CSMD3: variants seen among roughly 807,000 people sequenced by gnomAD.
CSMD3 encodes the protein CUB and sushi domain-containing protein 3.
CSMD3 carries 177 observed loss-of-function variants against 435.2 expected under a neutral mutation model. That is an observed-to-expected ratio of 0.41 (90% confidence interval 0.36 to 0.46). CSMD3 has a LOEUF of 0.46. CSMD3 is among the 20% of genes least tolerant of loss of function. The pLI is 0.34. For missense variants in CSMD3, 4,265 were observed against 4,504.6 expected (o/e 0.95, Z 1.52); for synonymous variants, 1,656 against 1,520.5 (o/e 1.09, Z -2.07).
rs1689425591 is a variant in CSMD3 at position 113,088,012 on chromosome 8, A to G, written c.917+10744T>C. On this transcript the variant is annotated intron_variant, in intron 5 of 70. Coordinates refer to ENST00000297405, the MANE Select transcript of CSMD3 (RefSeq NM_198123.2). ...TACAATGAACTCAAACAAATTTACA[A>G]GAAAAAAACAAACAACCCCATCAAA... 2.0e-5 allele frequency among the ~76,000 whole-genome samples: 3 copies of G among 149,526 alleles called. No homozygotes were observed. In the Admixed American group the frequency reaches 2.0e-4, roughly 10 times the overall value.
At chr8:113,095,390 C>T (rs185956579) in intron 5 of CSMD3, among the ~76,000 whole-genome samples, 24 of 152,232 alleles carry the variant, frequency 1.6e-4, no homozygotes, top group African/African-American at 5.5e-4. Context: ...ATAGTAATTG[C>T]CTATAATATC....
At chr8:112,862,925 T>C (rs1256965961) in intron 10 of CSMD3, among the ~76,000 whole-genome samples, 1 of 152,094 alleles carries the variant, frequency 6.6e-6, no homozygotes, top group Non-Finnish European at 1.5e-5. Context: ...TATGCTTTTG[T>C]CATTCTGTCA....
At chr8:113,415,353 G>A (rs970265224) in intron 1 of CSMD3, among the ~76,000 whole-genome samples, 6 of 152,124 alleles carry the variant, frequency 3.9e-5, no homozygotes, top group African/African-American at 1.2e-4. Flanking sequence ...AAGAGAGGTA[G>A]AATGAAATTC....
intron 14 of CSMD3, among the ~76,000 whole-genome samples, chr8:112,688,730 A>C (rs2131818860): frequency 6.6e-6 from 1 of 152,172 alleles, no homozygotes. Context: ...TTACTGGTAT[A>C]TAAAACATTA....
intron 52 of CSMD3, among the ~76,000 whole-genome samples, chr8:112,304,130 G>A (rs1821183964): frequency 6.6e-6 from 1 of 152,068 alleles, no homozygotes; most frequent in Admixed American, 6.6e-5. Context: ...TATTTATTGA[G>A]GATGTGGTTA....
At chr8:112,765,006 C>T (rs186470271) in intron 13 of CSMD3, among the ~76,000 whole-genome samples, 307 of 151,238 alleles carry the variant, frequency 2.0e-3, no homozygotes, top group African/African-American at 7.2e-3. Flanking sequence ...TTCTGGTGCA[C>T]ATAGTGAATG....
At chr8:113,291,094 T>C (rs2132529939) in intron 2 of CSMD3, among the ~76,000 whole-genome samples, 1 of 151,730 alleles carries the variant, frequency 6.6e-6, no homozygotes, top group South Asian at 2.1e-4. Context: ...CTAGGGATAC[T>C]TATGTGAGAT....
chr8:112,501,798 C>T (rs1821992621), intron 30 of CSMD3, among the ~76,000 whole-genome samples: 1 of 152,120 alleles, frequency 6.6e-6, no homozygotes, highest in African/African-American at 2.4e-5. Context: ...ACCTAAATGT[C>T]TATCAGCAGA....
At chr8:112,428,570 C>T (rs76958054) in intron 32 of CSMD3, among the ~76,000 whole-genome samples, 1,575 of 152,210 alleles carry the variant, frequency 0.01, 31 homozygotes, top group African/African-American at 0.035. Flanking sequence ...ATATACAGCT[C>T]CTGCCTTCAA....
intron 9 of CSMD3, among the ~76,000 whole-genome samples, chr8:112,944,859 A>G (rs1401008298): frequency 1.3e-5 from 2 of 151,594 alleles, no homozygotes; most frequent in African/African-American, 4.8e-5. Flanking sequence ...AGATGACATC[A>G]CAAGTTCTCT....
rs764284781 is a variant in CSMD3 at position 112,335,386 on chromosome 8, G to T, written c.7108C>A (p.Leu2370Ile). ...ESVYSTSNQI[L>I]IKFHSDFTTS... ...GTGAAATCACTGTGGAATTTGATTA[G>T]AATCTGATTTGAAGTACTGTAGACT... Residue 2370 changes from leucine (L) to isoleucine (I), a missense_variant, in exon 45 of 71, where the codon CTA becomes ATA. Physicochemically the swap from Leu to Ile is conservative, Grantham distance 5. Coordinates refer to ENST00000297405, the MANE Select transcript of CSMD3 (RefSeq NM_198123.2). 3 of 1,613,888 alleles carry T rather than the reference G, an allele frequency of 1.9e-6. No homozygotes were observed. In the South Asian group the frequency reaches 3.3e-5, roughly 18 times the overall value.
chr8:112,354,947 A>G (rs1388626859), intron 38 of CSMD3, among the ~76,000 whole-genome samples: 1 of 152,224 alleles, frequency 6.6e-6, no homozygotes, highest in African/African-American at 2.4e-5. Context: ...AGCCTACTTC[A>G]AACTATACTA....
chr8:113,131,421 G>T (rs565142673), intron 4 of CSMD3, among the ~76,000 whole-genome samples: 1 of 152,196 alleles, frequency 6.6e-6, no homozygotes, highest in East Asian at 1.9e-4. Context: ...TGGCTAAAAG[G>T]GGCCAATATG....
chr8:113,339,828 T>C lies in CSMD3; in HGVS notation c.179-25035A>G, dbSNP rs183418049. Reference sequence around the variant, plus strand: ...AATTAAAATTACTATATGGTCGTTATATGCTTACTTGTCTACCATTATGAA... The same window carrying C: ...AATTAAAATTACTATATGGTCGTTACATGCTTACTTGTCTACCATTATGAA... On this transcript the variant is annotated intron_variant, in intron 1 of 70. Coordinates refer to ENST00000297405, the MANE Select transcript of CSMD3 (RefSeq NM_198123.2). 2.4e-4 allele frequency among the ~76,000 whole-genome samples: 36 copies of C among 152,182 alleles called. 1 individual carries two copies. The highest frequency in any genetic ancestry group is 1.4e-3 in the Admixed American group (21 of 15,278).
intron 10 of CSMD3, among the ~76,000 whole-genome samples, chr8:112,902,978 A>C (rs2082147063): frequency 6.6e-6 from 1 of 151,208 alleles, no homozygotes; most frequent in African/African-American, 2.4e-5. Context: ...TATCTCCAGA[A>C]GGGAATCATT....
intron 3 of CSMD3, among the ~76,000 whole-genome samples, chr8:113,232,048 C>T (rs2093094538): frequency 6.6e-6 from 1 of 151,454 alleles, no homozygotes; most frequent in African/African-American, 2.4e-5. Context: ...ACTTGCATCG[C>T]AATTCACAAA....
At chr8:112,386,121 G>A (rs1829927019) in intron 36 of CSMD3, among the ~76,000 whole-genome samples, 1 of 152,164 alleles carries the variant, frequency 6.6e-6, no homozygotes, top group South Asian at 2.1e-4. Flanking sequence ...AAAAACCAAG[G>A]AAGAGATGCT....
intron 1 of CSMD3, among the ~76,000 whole-genome samples, chr8:113,385,205 C>T (rs2094434283): frequency 6.6e-6 from 1 of 152,122 alleles, no homozygotes; most frequent in Non-Finnish European, 1.5e-5. Context: ...TCTGCAGGCA[C>T]TGAAAGTAGA....
At chr8:113,302,276 AATTATAAT>A (rs1461102920) in intron 2 of CSMD3, among the ~76,000 whole-genome samples, 4 of 32,456 alleles carry the variant, frequency 1.2e-4, no homozygotes, top group South Asian at 3.1e-3. Context: ...TATAATATAT[AATTATAAT>A]ATATAATATA....
Sources: gnomAD v4.1 joint callset for allele counts (sites outside exome capture counted in the v4.1 genomes callset) on GRCh38, gnomAD v4.1.1 for gene constraint, MANE v1.5 for transcripts, NCBI Gene and HGNC (gene_info 2026-07-23, HGNC 2026-07-21) for gene names.